SMYD3: variants seen among roughly 807,000 people sequenced by gnomAD.
The protein encoded by SMYD3 is SET and MYND domain containing 3, also known as histone-lysine N-methyltransferase SMYD3.
SMYD3 carries 36 observed loss-of-function variants against 57.7 expected under a neutral mutation model. The ratio of observed to expected loss-of-function variants is 0.62; its 90% CI spans 0.48 to 0.82. The LOEUF is 0.82. Ranked by LOEUF, SMYD3 falls within the 40% of genes least tolerant of loss-of-function variation. SMYD3 has a pLI of 0.00. For synonymous variants in SMYD3, 211 were observed against 195.0 expected, an observed-to-expected ratio of 1.08 and a Z score of -0.68; for missense variants, 515 against 538.8, an observed-to-expected ratio of 0.96 and a Z score of 0.44.
intron 5 of SMYD3, among the ~76,000 whole-genome samples, chr1:246,306,265 C>T (rs1018473585): frequency 6.6e-6 from 1 of 151,734 alleles, no homozygotes; most frequent in Non-Finnish European, 1.5e-5. Context: ...GAGAATCACT[C>T]GAGCCCAGGA....
At chr1:245,749,747 G>C (rs918496870) in intron 11 of SMYD3, 83 bp from the exon 12 acceptor site, 3 of 1,067,958 alleles carry the variant, frequency 2.8e-6, no homozygotes, top group Non-Finnish European at 4.3e-6. Context: ...ATGATGCCAG[G>C]GGCCTGGTGA....
At chr1:245,978,291 C>T (rs1268110399) in intron 5 of SMYD3, among the ~76,000 whole-genome samples, 1 of 152,188 alleles carries the variant, frequency 6.6e-6, no homozygotes, top group Non-Finnish European at 1.5e-5. Flanking sequence ...CATCTTCGTG[C>T]CTCTCATGAT....
intron 5 of SMYD3, chr1:246,035,203 C>T (rs1396908340): frequency 2.0e-5 from 3 of 152,308 alleles, no homozygotes; most frequent in East Asian, 1.9e-4. Flanking sequence ...ATATAGTAAA[C>T]ATATCTTTGT....
chr1:246,221,469 G>A (rs1241328397), intron 5 of SMYD3, among the ~76,000 whole-genome samples: 1 of 152,194 alleles, frequency 6.6e-6, no homozygotes, highest in African/African-American at 2.4e-5. Context: ...AAGAGAAGGA[G>A]AAAGGAGCTG....
At chr1:246,118,015 T>C (rs1180744409) in intron 5 of SMYD3, among the ~76,000 whole-genome samples, 1 of 152,132 alleles carries the variant, frequency 6.6e-6, no homozygotes, top group Non-Finnish European at 1.5e-5. Context: ...GTAATGCTGA[T>C]AATGAACTTT....
chr1:245,892,832 C>G lies in SMYD3; in HGVS notation c.813+22698G>C, dbSNP rs113668840. Among the ~76,000 whole-genome samples, 507 of 152,222 alleles carry G rather than the reference C, an allele frequency of 3.3e-3. 4 individuals carry two copies. The highest frequency in any genetic ancestry group is 0.012 in the African/African-American group (482 of 41,546). Reference sequence around the variant, plus strand: ...TCCTCTTGAATTAGGTAAAGATTTTCAGCTATGGCTTCAAAAGACTGATCC... The same window carrying G: ...TCCTCTTGAATTAGGTAAAGATTTTGAGCTATGGCTTCAAAAGACTGATCC... On this transcript the variant is annotated intron_variant, in intron 8 of 11. Coordinates refer to ENST00000490107, the MANE Select transcript of SMYD3 (RefSeq NM_001167740.2).
At chr1:246,234,260 G>A (rs1482056022) in intron 5 of SMYD3, among the ~76,000 whole-genome samples, 1 of 151,298 alleles carries the variant, frequency 6.6e-6, no homozygotes, top group African/African-American at 2.4e-5. Flanking sequence ...ACACAGAGGA[G>A]AAGCACTCCT....
chr1:246,195,173 G>A (rs916715956), intron 5 of SMYD3, among the ~76,000 whole-genome samples: 1 of 152,160 alleles, frequency 6.6e-6, no homozygotes, highest in African/African-American at 2.4e-5. Context: ...GATCCCCGGG[G>A]CAGTGACAAA....
intron 5 of SMYD3, among the ~76,000 whole-genome samples, chr1:246,270,697 T>C (rs1417466556): frequency 6.6e-6 from 1 of 152,236 alleles, no homozygotes; most frequent in African/African-American, 2.4e-5. Context: ...TATGTATGTA[T>C]GTACCACATT....
intron 1 of SMYD3, among the ~76,000 whole-genome samples, chr1:246,448,143 G>A (rs2067575348): frequency 1.3e-5 from 2 of 152,148 alleles, no homozygotes; most frequent in South Asian, 4.1e-4. Context: ...CTTGAACCCG[G>A]AAGGCAGAGG....
intron 5 of SMYD3, among the ~76,000 whole-genome samples, chr1:246,230,908 A>G (rs756352641): frequency 6.6e-6 from 1 of 152,228 alleles, no homozygotes; most frequent in East Asian, 1.9e-4. Flanking sequence ...TCTGATACAT[A>G]TGTACAGCAA....
At chr1:246,171,653 T>C (rs1474281799) in intron 5 of SMYD3, among the ~76,000 whole-genome samples, 6 of 152,186 alleles carry the variant, frequency 3.9e-5, no homozygotes, top group African/African-American at 1.2e-4. Flanking sequence ...CTATAGGCAG[T>C]TGTAATACAA....
intron 5 of SMYD3, among the ~76,000 whole-genome samples, chr1:246,175,248 T>A (rs941639176): frequency 2.0e-4 from 31 of 152,164 alleles, no homozygotes; most frequent in African/African-American, 7.5e-4. Flanking sequence ...TCCCTTTATA[T>A]TGCACCAAAA....
intron 11 of SMYD3, among the ~76,000 whole-genome samples, chr1:245,755,119 C>T (rs2045554940): frequency 6.6e-6 from 1 of 152,136 alleles, no homozygotes; most frequent in Non-Finnish European, 1.5e-5. Context: ...TGAGACTGGA[C>T]AATATAAATT....
At chr1:245,900,778 A>G (rs955105111) in intron 8 of SMYD3, among the ~76,000 whole-genome samples, 2 of 152,190 alleles carry the variant, frequency 1.3e-5, no homozygotes, top group African/African-American at 4.8e-5. Context: ...AAGATCCACC[A>G]TATTCATGGC....
intron 5 of SMYD3, among the ~76,000 whole-genome samples, chr1:246,306,959 A>C (rs1345661282): frequency 1.3e-5 from 2 of 151,928 alleles, no homozygotes; most frequent in Non-Finnish European, 1.5e-5. Flanking sequence ...TTTGAGTTTC[A>C]AACATAGGGG....
At chr1:246,062,020 A>G (rs2060262487) in intron 5 of SMYD3, among the ~76,000 whole-genome samples, 1 of 152,224 alleles carries the variant, frequency 6.6e-6, no homozygotes, top group African/African-American at 2.4e-5. Context: ...AAAATGACTT[A>G]TTTGGCTGAT....
At chr1:246,504,137 A>G (rs1194677313) in intron 1 of SMYD3, among the ~76,000 whole-genome samples, 1 of 152,228 alleles carries the variant, frequency 6.6e-6, no homozygotes, top group Non-Finnish European at 1.5e-5. Context: ...CTCCATTAAC[A>G]AAAACAAGTA....
At chr1:246,107,541 C>T (rs558061760) in intron 5 of SMYD3, among the ~76,000 whole-genome samples, 5 of 134,998 alleles carry the variant, frequency 3.7e-5, no homozygotes, top group African/African-American at 1.3e-4. Flanking sequence ...TAGAATAAGT[C>T]CTTGAAATAA....
Sources: gnomAD v4.1 joint callset for allele counts (sites outside exome capture counted in the v4.1 genomes callset) on GRCh38, gnomAD v4.1.1 for gene constraint, MANE v1.5 for transcripts, NCBI Gene and HGNC (gene_info 2026-07-23, HGNC 2026-07-21) for gene names.